The following ZNF536 variants were observed in gnomAD, a reference collection of about 807,000 sequenced individuals.
ZNF536 encodes the protein zinc finger protein 536.
A neutral mutation model predicts 84.5 loss-of-function variants in ZNF536; 13 were observed. That is an observed-to-expected ratio of 0.15 (90% CI 0.10 to 0.24). The LOEUF (loss-of-function observed/expected upper bound fraction) is 0.24. Among genes scored for constraint, ZNF536 ranks in the 10% least tolerant of loss-of-function variants. The pLI, the probability that ZNF536 is intolerant of heterozygous loss-of-function variation, is 1.00. For missense variants in ZNF536, 1,536 were observed against 1,747.5 expected, an observed-to-expected ratio of 0.88 and a Z score of 2.16; for synonymous variants, 811 against 742.5, an observed-to-expected ratio of 1.09 and a Z score of -1.50.
intron 1 of ZNF536, among the ~76,000 whole-genome samples, chr19:30,653,941 C>A (rs2049807117): frequency 6.6e-6 from 1 of 152,146 alleles, no homozygotes; most frequent in Admixed American, 6.5e-5. Context: ...GAACTCTTGC[C>A]CCATCAGAAC....
rs188205897 is a variant in ZNF536, at chr19:30,601,162, G to T, written c.169+51648G>T. Among the ~76,000 whole-genome samples the T allele has an allele frequency of 1.5e-3, 223 of 152,278 alleles. 2 individuals are homozygous for T. The highest frequency in any genetic ancestry group is 6.5e-4 in the Non-Finnish European group (44 of 68,026). On this transcript the variant is annotated intron_variant, in intron 1 of 1. Transcript: ENST00000592773. ...AGATACCAGAGAGTTCACTTAAAAGGAAACTTTTATTTGACATATGGGGAA... is the reference window on the plus strand; with the variant it reads ...AGATACCAGAGAGTTCACTTAAAAGTAAACTTTTATTTGACATATGGGGAA...
intron 1 of ZNF536, among the ~76,000 whole-genome samples, chr19:30,249,917 C>A (rs1214455852): frequency 2.0e-5 from 3 of 152,164 alleles, no homozygotes; most frequent in South Asian, 2.1e-4. Context: ...TTGGGGACAT[C>A]CTTTAAATGG....
chr19:30,436,567 G>A (rs1341306912), intron 1 of ZNF536: 20 of 938,680 alleles, frequency 2.1e-5, no homozygotes, highest in Non-Finnish European at 2.5e-5. Context: ...GTTTACAGCT[G>A]TTTAATGACC....
upstream of ZNF536, among the ~76,000 whole-genome samples, chr19:30,225,771 C>T (rs1599793207): frequency 6.7e-6 from 1 of 149,122 alleles, no homozygotes; most frequent in Non-Finnish European, 1.5e-5. Flanking sequence ...CTTCGGCGTC[C>T]GGGAGGTGGC....
rs189621537 is a variant in ZNF536, at chr19:30,494,387, C to T, written c.2171-40460C>T. Among the ~76,000 whole-genome samples the T allele has an allele frequency of 2.9e-3, 441 of 152,330 alleles. 4 individuals carry two copies. Among genetic ancestry groups the T allele is most frequent in the Middle Eastern group, 0.014 (4 of 294 alleles). On this transcript the variant is annotated intron_variant, in intron 2 of 4. Transcript: ENST00000355537. ...CAGGCGTCTTGCTTCGACTTCACTC[C>T]GCCATTCCTTTTACAACTTGCATTT... is the stretch of plus-strand genomic sequence containing the variant.
rs960907138 is a variant in ZNF536 at position 30,463,306 on chromosome 19, G to T, written c.2170+17574G>T. ...CCAAAACCTTCGCTCATCACTAGAG[G>T]GGTCTTCCCTCCCTAATGCTGGCTC... On this transcript the variant is annotated intron_variant, in intron 2 of 4. Transcript: ENST00000355537. 2.0e-5 allele frequency among the ~76,000 whole-genome samples: 3 copies of T among 152,158 alleles called. No homozygotes were observed. The East Asian group carries it at 5.8e-4, about 29-fold the overall frequency.
chr19:30,549,268 C>A lies in ZNF536; in HGVS notation c.3649C>A (p.Pro1217Thr). 1.9e-6 allele frequency: 3 copies of A among 1,613,888 alleles called. No homozygotes were observed. Among genetic ancestry groups the A allele is most frequent in the Non-Finnish European group, 8.5e-7 (1 of 1,180,032 alleles). The change falls in exon 4 of 5, where the codon CCC (proline) becomes ACC (threonine). Residue 1217 changes from proline to threonine, a missense_variant. Transcript: ENST00000355537. ...CCTGCAGCCCACAGGCACCTCCCAG[C>A]CCGTCCAGGGACTGGTCTCACCTTT... ...DSLQPTGTSQ[P>T]VQGLVSPLSQ...
intron 2 of ZNF536, among the ~76,000 whole-genome samples, chr19:30,335,924 A>T (rs147097878): frequency 3.9e-5 from 6 of 152,184 alleles, no homozygotes; most frequent in Non-Finnish European, 7.4e-5. Context: ...GACCATCCCC[A>T]CTGAATGGAT....
Position 30,265,308 on chromosome 19 carries a change from GTTGATGTC to G in ZNF536, c.-189-18758_-189-18751del, listed in dbSNP as rs558784944. The stretch of plus-strand genomic sequence containing the variant: ...AGCCCAGCCCTCTTCAACTTTGCTG[GTTGATGTC>G]TTGATCAGCTTAGAAGCCGCCTGAT... On this transcript the variant is annotated intron_variant, in intron 1 of 5. Transcript: ENST00000585628. Among the ~76,000 whole-genome samples, 155 of 152,266 alleles carry G rather than the reference GTTGATGTC, an allele frequency of 1.0e-3. 1 individual carries two copies. In the Middle Eastern group the frequency reaches 0.014, roughly 13 times the overall value.
intron 1 of ZNF536, among the ~76,000 whole-genome samples, chr19:30,412,958 AT>A (rs1568404244): frequency 1.3e-5 from 2 of 151,766 alleles, no homozygotes; most frequent in African/African-American, 4.8e-5. Context: ...ATATCTGATA[AT>A]TTTTTTAGAC....
intron 3 of ZNF536, among the ~76,000 whole-genome samples, chr19:30,546,703 G>A (rs7247816): frequency 0.017 from 2,516 of 152,330 alleles, 80 homozygotes; most frequent in African/African-American, 0.057. Flanking sequence ...ACAGAGGAAG[G>A]GGAGGGGGAA....
At chr19:30,239,304 CACTCTCTGTCTTTTGATGGAGAAA>C (rs1377210022) in intron 1 of ZNF536, among the ~76,000 whole-genome samples, 1 of 152,180 alleles carries the variant, frequency 6.6e-6, no homozygotes, top group African/African-American at 2.4e-5. Flanking sequence ...ATTCTGAGAA[CACTCTCTGTCTTTTGATGGAGAAA>C]GCGAGGCTTA....
chr19:30,335,967 C>T (rs75981875), intron 2 of ZNF536, among the ~76,000 whole-genome samples: 1,680 of 152,198 alleles, frequency 0.011, 35 homozygotes, highest in African/African-American at 0.038. Flanking sequence ...TCCCATTCCT[C>T]AGATGTGAGA....
intron 2 of ZNF536, among the ~76,000 whole-genome samples, chr19:30,290,478 C>T (rs2045799310): frequency 6.6e-6 from 1 of 152,040 alleles, no homozygotes. Context: ...TTCTATGTTG[C>T]CCAGGCTGCA....
intron 1 of ZNF536, among the ~76,000 whole-genome samples, chr19:30,435,782 C>G (rs1406147125): frequency 6.6e-6 from 1 of 152,118 alleles, no homozygotes; most frequent in Non-Finnish European, 1.5e-5. Context: ...CTTCTCTACT[C>G]AGAGAAGATG....
At chr19:30,602,831 C>T (rs2146948651) in intron 1 of ZNF536, among the ~76,000 whole-genome samples, 1 of 152,294 alleles carries the variant, frequency 6.6e-6, no homozygotes, top group Admixed American at 6.5e-5. Flanking sequence ...ATTCAGGGAG[C>T]AAGCGGCTGG....
intron 1 of ZNF536, among the ~76,000 whole-genome samples, chr19:30,258,059 G>A (rs2025003754): frequency 6.6e-6 from 1 of 152,176 alleles, no homozygotes; most frequent in African/African-American, 2.4e-5. Flanking sequence ...GTCTGTGTGT[G>A]CCATGTGGAG....
chr19:30,459,481 G>T (rs944359173), intron 2 of ZNF536, among the ~76,000 whole-genome samples: 2 of 151,582 alleles, frequency 1.3e-5, no homozygotes, highest in Non-Finnish European at 2.9e-5. Context: ...CTCCCAAGTA[G>T]CTGGGACTCC....
intron 2 of ZNF536, among the ~76,000 whole-genome samples, chr19:30,461,172 A>G (rs1165796685): frequency 2.6e-5 from 4 of 152,084 alleles, no homozygotes; most frequent in Non-Finnish European, 5.9e-5. Flanking sequence ...TCTGGAGGGG[A>G]CAGCGTATCA....
Sources: gnomAD v4.1 joint callset for allele counts (sites outside exome capture counted in the v4.1 genomes callset) on GRCh38, gnomAD v4.1.1 for gene constraint, MANE v1.5 for transcripts, NCBI Gene and HGNC (gene_info 2026-07-23, HGNC 2026-07-21) for gene names.